Variants in JADE3 observed in about 807,000 individuals in gnomAD.
JADE3 encodes jade family PHD finger 3, also known as protein Jade-3.
In JADE3, 2 loss-of-function variants were observed where a neutral mutation model predicts 50.1. That is an observed-to-expected ratio of 0.04 (90% CI 0.02 to 0.13). JADE3 has a LOEUF of 0.13. Among genes scored for constraint, JADE3 ranks in the 10% least tolerant of loss-of-function variants. JADE3 has a pLI of 1.00. For synonymous variants in JADE3, 218 were observed against 232.9 expected (o/e 0.94, Z 0.58); for missense variants, 475 against 634.4 (o/e 0.75, Z 2.70).
At chrX:46,922,009 C>T (rs1475524004) in intron 1 of JADE3, among the ~76,000 whole-genome samples, 1 of 107,333 alleles carries the variant, frequency 9.3e-6, no homozygotes, top group African/African-American at 3.4e-5. Flanking sequence ...CATGGTGGCC[C>T]GCTGCACCCA....
In JADE3 at chrX:46,921,162, G is replaced by A. The variant is rs1050169732; in HGVS notation, c.-12+8443G>A. Among the ~76,000 whole-genome samples the A allele has an allele frequency of 3.6e-5, 4 of 111,934 alleles. No homozygotes were observed. The South Asian group carries it at 1.5e-3, about 42-fold the overall frequency. ...CCCCATCATAGCTCACTGCAGCCTT[G>A]AACTCCTGGGCTCAAGTGATCCTCC... On this transcript the variant is annotated intron_variant, in intron 1 of 10. Coordinates refer to ENST00000614628, the MANE Select transcript of JADE3 (RefSeq NM_014735.5).
chrX:47,031,427 T>C (rs1929014601), intron 6 of JADE3, among the ~76,000 whole-genome samples: 2 of 111,514 alleles, frequency 1.8e-5, no homozygotes, highest in African/African-American at 6.5e-5. Flanking sequence ...AAGCTCAGCA[T>C]AGGGGGCATT....
At chrX:46,971,896 T>C (rs1927506466) in intron 1 of JADE3, among the ~76,000 whole-genome samples, 1 of 107,764 alleles carries the variant, frequency 9.3e-6, no homozygotes, top group Non-Finnish European at 1.9e-5. Context: ...CCGAGTGAGG[T>C]CTATAGCAGC....
intron 8 of JADE3, among the ~76,000 whole-genome samples, chrX:47,040,879 T>C (rs1220092766): frequency 4.5e-5 from 5 of 112,178 alleles, no homozygotes; most frequent in Admixed American, 9.5e-5. Flanking sequence ...GAAGTTGTAA[T>C]TGAAGAACAC....
At chrX:46,917,047 A>G (rs782203519) in intron 1 of JADE3, among the ~76,000 whole-genome samples, 1 of 111,692 alleles carries the variant, frequency 9.0e-6, no homozygotes, top group African/African-American at 3.3e-5. Context: ...TCCTAACTCT[A>G]CCACTTGCTC....
At chrX:47,027,228 G>A (rs1475509478) in intron 5 of JADE3, among the ~76,000 whole-genome samples, 2 of 112,330 alleles carry the variant, frequency 1.8e-5, no homozygotes, top group African/African-American at 6.5e-5. Flanking sequence ...GAATCAGGAA[G>A]CAAAGAAGGT....
chrX:47,040,018 C>T (rs369784980), intron 8 of JADE3, among the ~76,000 whole-genome samples: 1 of 111,708 alleles, frequency 9.0e-6, no homozygotes. Flanking sequence ...TTAGGGGAGA[C>T]GTGGATGGGA....
At chrX:46,963,015 T>C (rs1927295182) in intron 1 of JADE3, among the ~76,000 whole-genome samples, 1 of 110,894 alleles carries the variant, frequency 9.0e-6, no homozygotes, top group African/African-American at 3.3e-5. Flanking sequence ...ATTTTTGTAT[T>C]GTTAGTAGAG....
intron 8 of JADE3, among the ~76,000 whole-genome samples, chrX:47,046,134 C>A (rs1929366372): frequency 9.1e-6 from 1 of 110,411 alleles, no homozygotes; most frequent in South Asian, 3.8e-4. Flanking sequence ...TTTAGCCCAA[C>A]TCACTGAGAA....
intron 4 of JADE3, among the ~76,000 whole-genome samples, chrX:46,998,597 T>G (rs1426004285): frequency 1.8e-5 from 2 of 111,407 alleles, no homozygotes; most frequent in Admixed American, 9.6e-5. Flanking sequence ...ATTAGTCTTC[T>G]GAGAGAAACA....
chrX:46,966,662 A>G (rs1246519940), intron 1 of JADE3, among the ~76,000 whole-genome samples: 4 of 111,889 alleles, frequency 3.6e-5, no homozygotes, highest in Non-Finnish European at 1.9e-5. Flanking sequence ...GTGAGATAGA[A>G]GCAATTAAGG....
At chrX:46,960,578 G>C (rs1556347445) in intron 1 of JADE3, among the ~76,000 whole-genome samples, 1 of 111,933 alleles carries the variant, frequency 8.9e-6, no homozygotes, top group Non-Finnish European at 1.9e-5. Flanking sequence ...TAGGGAAATT[G>C]TGTTCTGTGT....
chrX:47,016,098 G>T (rs1928670349), intron 4 of JADE3, among the ~76,000 whole-genome samples: 1 of 110,468 alleles, frequency 9.1e-6, no homozygotes. Flanking sequence ...TACAGTTGGG[G>T]TTTTTTTCTG....
At chrX:46,916,507 G>A (rs908169055) in intron 1 of JADE3, among the ~76,000 whole-genome samples, 14 of 111,511 alleles carry the variant, frequency 1.3e-4, no homozygotes, top group Non-Finnish European at 1.7e-4. Context: ...TTTGTAAACC[G>A]TGTAGAATCT....
Position 46,914,336 on chromosome X carries a change from C to A in JADE3, c.-12+1617C>A, listed in dbSNP as rs192702463. On this transcript the variant is annotated intron_variant, in intron 1 of 10. Transcript: ENST00000614628. ...GGAGTATGGGTCCCGGCCTTCGTACCCTTTGAGTAGTGTGGTTCTCATGCT... is the reference window on the plus strand; with the variant it reads ...GGAGTATGGGTCCCGGCCTTCGTACACTTTGAGTAGTGTGGTTCTCATGCT... Among the ~76,000 whole-genome samples, 227 of 111,634 alleles carry A rather than the reference C, an allele frequency of 2.0e-3. 1 individual carries two copies. The highest frequency in any genetic ancestry group is 7.2e-3 in the African/African-American group (221 of 30,709).
At chrX:47,009,915 A>G (rs1556361193) in intron 4 of JADE3, among the ~76,000 whole-genome samples, 1 of 109,153 alleles carries the variant, frequency 9.2e-6, no homozygotes, top group African/African-American at 3.4e-5. Flanking sequence ...GTGAACCACT[A>G]TGCCTGGCCC....
In JADE3 at chrX:47,058,821, A is replaced by C; in HGVS notation, c.2216A>C (p.Asn739Thr). ...DLQCYVKPTK[N>T]MSPKEQFWGR... ...CAGTGCTATGTGAAGCCAACCAAGA[A>C]TATGAGCCCCAAGGAGCAGTTCTGG... is the stretch of plus-strand genomic sequence containing the variant. Residue 739 changes from asparagine to threonine, a missense_variant, in exon 11 of 11, where the codon AAT becomes ACT. Around this residue, in one of 6 missense-constraint regions of JADE3, gnomAD observed 243 missense variants for 238.2 expected, o/e 1.02. Coordinates refer to ENST00000614628, the MANE Select transcript of JADE3 (RefSeq NM_014735.5). 8.3e-7 allele frequency: 1 copy of C among 1,210,360 alleles called. No homozygotes were observed. Among genetic ancestry groups the C allele is most frequent in the Non-Finnish European group, 1.1e-6 (1 of 894,268 alleles).
chrX:47,016,152 C>A (rs1226169970), intron 4 of JADE3, among the ~76,000 whole-genome samples: 1 of 110,749 alleles, frequency 9.0e-6, no homozygotes, highest in Non-Finnish European at 1.9e-5. Context: ...TACCTACCTA[C>A]ATATCATTAG....
chrX:47,025,392 G>A (rs1452624342), intron 5 of JADE3, among the ~76,000 whole-genome samples: 3 of 111,909 alleles, frequency 2.7e-5, no homozygotes, highest in Non-Finnish European at 5.6e-5. Flanking sequence ...AGATTGCTGT[G>A]ACAGTACCCC....
Sources: allele counts gnomAD v4.1 joint callset (sites outside exome capture counted in the v4.1 genomes callset), GRCh38; gene constraint gnomAD v4.1.1; regional missense constraint gnomAD v4.1.1; transcripts MANE v1.5; gene names NCBI Gene and HGNC (gene_info 2026-07-23, HGNC 2026-07-21).